RBFOX1: variants seen among roughly 807,000 people sequenced by gnomAD.
RBFOX1 encodes the protein RNA binding protein fox-1 homolog 1.
A neutral mutation model predicts 57.7 loss-of-function variants in RBFOX1; 8 were observed. That is an observed-to-expected ratio of 0.14 (90% confidence interval 0.08 to 0.25). The LOEUF (loss-of-function observed/expected upper bound fraction) is 0.25. Ranked by LOEUF, RBFOX1 falls within the 10% of genes least tolerant of loss-of-function variation. The pLI is 1.00. For synonymous variants in RBFOX1, 326 were observed against 222.4 expected (o/e 1.47, Z -4.15); for missense variants, 611 against 548.5 (o/e 1.11, Z -1.14).
intron 1 of RBFOX1, among the ~76,000 whole-genome samples, chr16:6,305,382 A>G (rs1345583623): frequency 6.6e-6 from 1 of 152,156 alleles, no homozygotes; most frequent in Non-Finnish European, 1.5e-5. Flanking sequence ...AGAGTGCATG[A>G]CACAGAGTTA....
intron 4 of RBFOX1, among the ~76,000 whole-genome samples, chr16:7,361,022 C>T (rs1294142709): frequency 6.6e-6 from 1 of 152,172 alleles, no homozygotes; most frequent in Non-Finnish European, 1.5e-5. Context: ...GGAATCAACC[C>T]AACCAGGAAG....
At chr16:6,870,125 G>A (rs546670134) in intron 3 of RBFOX1, among the ~76,000 whole-genome samples, 1 of 152,096 alleles carries the variant, frequency 6.6e-6, no homozygotes, top group Admixed American at 6.6e-5. Flanking sequence ...TTTTGCATAA[G>A]GCTCTTGGAC....
At chr16:6,982,296 A>T (rs144458380) in intron 3 of RBFOX1, among the ~76,000 whole-genome samples, 7 of 152,292 alleles carry the variant, frequency 4.6e-5, no homozygotes, top group African/African-American at 1.7e-4. Context: ...GACCTACATT[A>T]TTCCATTTTG....
chr16:7,255,644 A>G (rs34204229), intron 4 of RBFOX1, among the ~76,000 whole-genome samples: 26,856 of 152,202 alleles, frequency 0.18, 5,154 homozygotes, highest in African/African-American at 0.48. Context: ...CAGTAGAAAT[A>G]TAATGCAAGT....
chr16:6,843,481 G>A (rs1453623054), intron 3 of RBFOX1, among the ~76,000 whole-genome samples: 1 of 152,096 alleles, frequency 6.6e-6, no homozygotes, highest in Non-Finnish European at 1.5e-5. Flanking sequence ...GAGGTCAGGA[G>A]ATCGAGACCA....
At chr16:5,321,402 C>G (rs991870530) in intron 1 of RBFOX1, among the ~76,000 whole-genome samples, 1 of 151,776 alleles carries the variant, frequency 6.6e-6, no homozygotes, top group Non-Finnish European at 1.5e-5. Flanking sequence ...TTACTGCCAG[C>G]TCCGCCTCCT....
At chr16:5,329,281 A>T (rs936868446) in intron 1 of RBFOX1, among the ~76,000 whole-genome samples, 3 of 152,190 alleles carry the variant, frequency 2.0e-5, no homozygotes, top group African/African-American at 7.2e-5. Flanking sequence ...AGGAAGCATG[A>T]CTGGGGAGAC....
chr16:6,713,569 C>G (rs754930), intron 3 of RBFOX1, among the ~76,000 whole-genome samples: 64,044 of 151,814 alleles, frequency 0.42, 16,680 homozygotes, highest in Middle Eastern at 0.71. Context: ...ACAAATCTCT[C>G]CAGATATTTT....
intron 4 of RBFOX1, among the ~76,000 whole-genome samples, chr16:5,923,644 C>G (rs2152233861): frequency 6.8e-6 from 1 of 147,696 alleles, no homozygotes; most frequent in Middle Eastern, 3.6e-3. Context: ...TGAGTTCATA[C>G]ATTTCTCCTG....
At chr16:5,332,950 C>T (rs1312270918) in intron 1 of RBFOX1, among the ~76,000 whole-genome samples, 2 of 152,096 alleles carry the variant, frequency 1.3e-5, no homozygotes, top group Non-Finnish European at 2.9e-5. Context: ...CTTTGGGAGG[C>T]CAAGGTGGGC....
chr16:7,499,696 A>C (rs2070004530), intron 4 of RBFOX1, among the ~76,000 whole-genome samples: 1 of 152,202 alleles, frequency 6.6e-6, no homozygotes, highest in Non-Finnish European at 1.5e-5. Context: ...ATGCAAAAAC[A>C]AGTGCGCCAG....
At chr16:6,217,501 A>C (rs924103127) in intron 1 of RBFOX1, among the ~76,000 whole-genome samples, 3 of 152,104 alleles carry the variant, frequency 2.0e-5, no homozygotes, top group African/African-American at 7.2e-5. Flanking sequence ...GGAAATAAGG[A>C]GCATGGTGAG....
intron 2 of RBFOX1, among the ~76,000 whole-genome samples, chr16:6,448,989 A>C (rs972412535): frequency 2.0e-5 from 3 of 152,246 alleles, no homozygotes; most frequent in African/African-American, 7.2e-5. Flanking sequence ...GGATGCTTTT[A>C]TATAAACCTA....
chr16:7,386,064 C>T (rs1177939348), intron 4 of RBFOX1, among the ~76,000 whole-genome samples: 1 of 151,988 alleles, frequency 6.6e-6, no homozygotes, highest in Non-Finnish European at 1.5e-5. Context: ...GCTGGGATTG[C>T]AGGTGTGAGC....
At chr16:5,299,537 T>A (rs2063754016) in intron 1 of RBFOX1, among the ~76,000 whole-genome samples, 1 of 152,234 alleles carries the variant, frequency 6.6e-6, no homozygotes, top group African/African-American at 2.4e-5. Context: ...GTTTCACCAT[T>A]CTGACAAGCC....
intron 3 of RBFOX1, among the ~76,000 whole-genome samples, chr16:5,854,452 C>G (rs568008155): frequency 3.9e-5 from 6 of 152,274 alleles, no homozygotes; most frequent in African/African-American, 1.4e-4. Flanking sequence ...GTGTCTCTGG[C>G]TTATTTCACT....
chr16:7,051,912 T>C, intron 3 of RBFOX1, 145 bp from the exon 4 acceptor site: 2 of 1,260,208 alleles, frequency 1.6e-6, no homozygotes, highest in South Asian at 1.4e-5. Flanking sequence ...TTGAGCTATG[T>C]AGACCTAAAG....
At position 6,309,941 on chromosome 16, in the gene RBFOX1, G is replaced by C. The variant is rs148234509; in HGVS notation, c.-126-7054G>C. On this transcript the variant is annotated intron_variant, in intron 1 of 15. Transcript: ENST00000550418. Reference sequence around the variant, plus strand: ...AGACAGAGTCTCGCTGTGTCGCCCAGGCTGGAGTGCAGTGGCACGATCTCA... The same window carrying C: ...AGACAGAGTCTCGCTGTGTCGCCCACGCTGGAGTGCAGTGGCACGATCTCA... 7.9e-5 allele frequency among the ~76,000 whole-genome samples: 12 copies of C among 152,334 alleles called. No individual in the cohort carries two copies. In the East Asian group the frequency reaches 2.3e-3, roughly 29 times the overall value.
At chr16:6,225,392 T>C (rs1023210366) in intron 1 of RBFOX1, among the ~76,000 whole-genome samples, 8 of 152,304 alleles carry the variant, frequency 5.3e-5, no homozygotes, top group African/African-American at 1.7e-4. Flanking sequence ...AACTTGGTTA[T>C]GAAGCCCCTT....
Sources: allele counts gnomAD v4.1 joint callset (sites outside exome capture counted in the v4.1 genomes callset), GRCh38; gene constraint gnomAD v4.1.1; transcripts MANE v1.5; gene names NCBI Gene and HGNC (gene_info 2026-07-23, HGNC 2026-07-21).